The following PLA2G5 variants were observed in gnomAD, a reference collection of about 807,000 sequenced individuals.
PLA2G5 encodes the protein phospholipase A2 group V.
A neutral mutation model predicts 15.9 loss-of-function variants in PLA2G5; 12 were observed. That is an observed-to-expected ratio of 0.76 (90% CI 0.48 to 1.23). The LOEUF (loss-of-function observed/expected upper bound fraction) is 1.23, where lower values mean the gene tolerates loss of function less well. Ranked by LOEUF, PLA2G5 falls within the 50% of genes most tolerant of loss-of-function variation. The pLI is 0.00. For missense variants in PLA2G5, 169 were observed against 177.1 expected, an observed-to-expected ratio of 0.95 and a Z score of 0.26; for synonymous variants, 71 against 71.4, an observed-to-expected ratio of 0.99 and a Z score of 0.03.
upstream of PLA2G5, among the ~76,000 whole-genome samples, chr1:20,067,585 G>C (rs1257495207): frequency 6.6e-6 from 1 of 152,116 alleles, no homozygotes; most frequent in Non-Finnish European, 1.5e-5. Context: ...CTACTCAGGA[G>C]GCTGAGGCAG....
At chr1:20,041,861 A>G (rs2013619982) in intron 1 of PLA2G5, among the ~76,000 whole-genome samples, 1 of 152,174 alleles carries the variant, frequency 6.6e-6, no homozygotes, top group Admixed American at 6.5e-5. Flanking sequence ...AGAAGTTGGA[A>G]CGCTAGGTGC....
chr1:20,047,322 A>C (rs1319424815), intron 1 of PLA2G5, among the ~76,000 whole-genome samples: 1 of 151,826 alleles, frequency 6.6e-6, no homozygotes, highest in Non-Finnish European at 1.5e-5. Flanking sequence ...CCACACAAAA[A>C]CCCTAAGCCA....
chr1:20,077,776 G>A (rs765735439), intron 1 of PLA2G5, among the ~76,000 whole-genome samples: 11 of 152,172 alleles, frequency 7.2e-5, no homozygotes, highest in Non-Finnish European at 1.6e-4. Context: ...TCACAGCTGA[G>A]ACACAGATTT....
chr1:20,087,089 T>C (rs994663449), intron 3 of PLA2G5, among the ~76,000 whole-genome samples: 1 of 152,208 alleles, frequency 6.6e-6, no homozygotes, highest in African/African-American at 2.4e-5. Flanking sequence ...TGGACTCCTG[T>C]TTAGCTTATT....
intron 1 of PLA2G5, among the ~76,000 whole-genome samples, chr1:20,033,758 G>A (rs2013096011): frequency 6.6e-6 from 1 of 152,064 alleles, no homozygotes; most frequent in Non-Finnish European, 1.5e-5. Context: ...CAGTGCTGGG[G>A]TCATTAAAAG....
At position 20,062,294 on chromosome 1, in the gene PLA2G5, G is replaced by A. The variant is rs183892125; in HGVS notation, n.337+2602G>A. The stretch of plus-strand genomic sequence containing the variant: ...GAGAACCCCTGGAGAATACGAAATG[G>A]TCTTTCCCATCAGACAGGAAACTCC... On this transcript the variant is annotated intron_variant and non_coding_transcript_variant, in intron 2 of 6. Coordinates refer to the PLA2G5 transcript ENST00000460175. Among the ~76,000 whole-genome samples, 7 of 152,294 alleles carry A rather than the reference G, an allele frequency of 4.6e-5. No homozygotes were observed. In the East Asian group the frequency reaches 1.3e-3, roughly 29 times the overall value.
intron 1 of PLA2G5, among the ~76,000 whole-genome samples, chr1:20,082,569 G>T (rs1303127779): frequency 6.6e-6 from 1 of 151,900 alleles, no homozygotes; most frequent in African/African-American, 2.4e-5. Context: ...GGTGCTGGCT[G>T]TGACCAGTTA....
chr1:20,037,289 C>T (rs576308673), intron 1 of PLA2G5, among the ~76,000 whole-genome samples: 73 of 152,270 alleles, frequency 4.8e-4, no homozygotes, highest in African/African-American at 1.6e-3. Context: ...AGGGATGGGG[C>T]TTCCTGACAG....
intron 1 of PLA2G5, among the ~76,000 whole-genome samples, chr1:20,080,932 C>A (rs115993498): frequency 1.4e-4 from 22 of 152,000 alleles, no homozygotes; most frequent in African/African-American, 5.3e-4. Context: ...GAGTGAACCC[C>A]CATCACCTCT....
chr1:20,044,080 T>C (rs970035779), intron 1 of PLA2G5, among the ~76,000 whole-genome samples: 5 of 152,116 alleles, frequency 3.3e-5, no homozygotes, highest in African/African-American at 1.2e-4. Flanking sequence ...CCTGCACAGA[T>C]GGGACACTGC....
intron 1 of PLA2G5, 106 bp from the exon 2 acceptor site, chr1:20,084,715 C>G: frequency 1.3e-6 from 1 of 771,908 alleles, no homozygotes; most frequent in Non-Finnish European, 2.3e-6. Context: ...CCCACCATGA[C>G]GGGGAGTGGA....
intron 1 of PLA2G5, among the ~76,000 whole-genome samples, chr1:20,050,101 G>T (rs10799607): frequency 0.29 from 44,190 of 152,058 alleles, 6,576 homozygotes; most frequent in Admixed American, 0.35. Context: ...TTATTATTAA[G>T]TTTTGGTTTG....
chr1:20,060,114 G>T (rs1483408308), intron 2 of PLA2G5, among the ~76,000 whole-genome samples: 1 of 152,108 alleles, frequency 6.6e-6, no homozygotes, highest in African/African-American at 2.4e-5. Flanking sequence ...GTCAGCAGGG[G>T]CCAGATTGCT....
chr1:20,030,222 C>T (rs1033957415), intron 1 of PLA2G5, among the ~76,000 whole-genome samples: 3 of 151,792 alleles, frequency 2.0e-5, no homozygotes, highest in African/African-American at 7.3e-5. Flanking sequence ...ACTATCTCTA[C>T]TATCTCGGTG....
At chr1:20,036,539 C>T (rs1251096919) in intron 1 of PLA2G5, among the ~76,000 whole-genome samples, 3 of 152,092 alleles carry the variant, frequency 2.0e-5, no homozygotes, top group South Asian at 2.1e-4. Flanking sequence ...ATTGTTGAAA[C>T]TTTCAAGTGT....
intron 2 of PLA2G5, chr1:20,063,554 G>A (rs2014850128): frequency 6.6e-6 from 1 of 152,214 alleles, no homozygotes; most frequent in Non-Finnish European, 1.5e-5. Context: ...TGGAAGGACA[G>A]ACACCTCATC....
intron 3 of PLA2G5, among the ~76,000 whole-genome samples, chr1:20,086,670 C>T (rs2016312647): frequency 6.6e-6 from 1 of 152,168 alleles, no homozygotes; most frequent in African/African-American, 2.4e-5. Flanking sequence ...GGGATTCCTC[C>T]CAGCATGGTG....
intron 1 of PLA2G5, among the ~76,000 whole-genome samples, chr1:20,076,300 A>C (rs4655148): frequency 0.34 from 51,260 of 151,702 alleles, 9,640 homozygotes; most frequent in Middle Eastern, 0.44. Context: ...CCCTGGGCTG[A>C]AAGTTTATAA....
intron 1 of PLA2G5, among the ~76,000 whole-genome samples, chr1:20,073,189 G>C (rs1057060622): frequency 2.0e-5 from 3 of 152,214 alleles, no homozygotes; most frequent in Non-Finnish European, 2.9e-5. Flanking sequence ...TAGAAAAAGA[G>C]AGTGGAGAGC....
Sources: gnomAD v4.1 joint callset for allele counts (sites outside exome capture counted in the v4.1 genomes callset) on GRCh38, gnomAD v4.1.1 for gene constraint, MANE v1.5 for transcripts, NCBI Gene and HGNC (gene_info 2026-07-23, HGNC 2026-07-21) for gene names.